The following RIT2 variants were observed in gnomAD, a reference collection of about 807,000 sequenced individuals.
RIT2 encodes the protein Ras like without CAAX 2, also known as GTP-binding protein Rit2.
In RIT2, 24 loss-of-function variants were observed where a neutral mutation model predicts 23.7. The ratio of observed to expected loss-of-function variants is 1.01; its 90% CI spans 0.73 to 1.43. The LOEUF is 1.43. Among genes scored for constraint, RIT2 ranks in the 40% most tolerant of loss-of-function variants. RIT2 has a pLI of 0.00. For synonymous variants in RIT2, 107 were observed against 91.1 expected, an observed-to-expected ratio of 1.17 and a Z score of -0.99; for missense variants, 236 against 266.9, an observed-to-expected ratio of 0.88 and a Z score of 0.81.
intron 4 of RIT2, among the ~76,000 whole-genome samples, chr18:42,885,152 T>C (rs1214265942): frequency 2.6e-5 from 4 of 152,244 alleles, no homozygotes; most frequent in Non-Finnish European, 5.9e-5. Context: ...AATGAGAGCA[T>C]TGAAATGGAA....
In RIT2 at chr18:42,820,369, TA is replaced by T. The variant is rs886491086; in HGVS notation, c.427-76650del. On this transcript the variant is annotated intron_variant, in intron 4 of 4. Coordinates refer to ENST00000326695, the MANE Select transcript of RIT2 (RefSeq NM_002930.4). ...AGGTAGAAGGCAGAAACAAACCAGT[TA>T]AAAAAAAAAAGTGAACTGAATTATC... Among the ~76,000 whole-genome samples the T allele has an allele frequency of 1.9e-3, 281 of 146,504 alleles. 3 individuals are homozygous for T. In the Middle Eastern group the frequency reaches 0.025, roughly 13 times the overall value.
chr18:43,112,369 G>A (rs563813222), intron 1 of RIT2, among the ~76,000 whole-genome samples: 1 of 152,240 alleles, frequency 6.6e-6, no homozygotes, highest in East Asian at 1.9e-4. Context: ...AATACATGTA[G>A]CCCATGCCTG....
intron 4 of RIT2, among the ~76,000 whole-genome samples, chr18:42,744,576 T>G (rs2077654579): frequency 6.6e-6 from 1 of 152,146 alleles, no homozygotes; most frequent in African/African-American, 2.4e-5. Flanking sequence ...TTTTTGACTT[T>G]TTTTTTTCCC....
chr18:43,026,928 GA>G (rs1410544725), intron 2 of RIT2, among the ~76,000 whole-genome samples: 2 of 152,102 alleles, frequency 1.3e-5, no homozygotes, highest in Non-Finnish European at 2.9e-5. Flanking sequence ...CCAAATGCAA[GA>G]AGACCAAATG....
intron 3 of RIT2, among the ~76,000 whole-genome samples, chr18:42,924,448 C>G (rs777392230): frequency 6.6e-6 from 1 of 151,794 alleles, no homozygotes; most frequent in Non-Finnish European, 1.5e-5. Context: ...CATCTTCTTT[C>G]AACTACAACT....
chr18:42,972,214 A>G (rs1426771796), intron 3 of RIT2, among the ~76,000 whole-genome samples: 1 of 151,966 alleles, frequency 6.6e-6, no homozygotes, highest in East Asian at 1.9e-4. Flanking sequence ...CTTAGATAAG[A>G]TAGCCCTTTC....
chr18:42,912,674 A>G (rs981805484), intron 4 of RIT2, among the ~76,000 whole-genome samples: 1 of 151,926 alleles, frequency 6.6e-6, no homozygotes, highest in African/African-American at 2.4e-5. Context: ...AAAATATAAT[A>G]CCATTTCCAT....
chr18:42,976,323 T>A (rs920216328), intron 2 of RIT2, among the ~76,000 whole-genome samples: 5 of 151,938 alleles, frequency 3.3e-5, no homozygotes, highest in African/African-American at 7.2e-5. Flanking sequence ...ACAACAACAA[T>A]AAAAACTTAG....
intron 4 of RIT2, among the ~76,000 whole-genome samples, chr18:42,869,513 TG>T (rs1226869654): frequency 6.6e-6 from 1 of 152,254 alleles, no homozygotes; most frequent in African/African-American, 2.4e-5. Context: ...CACTAAGTAT[TG>T]GAAAATACTG....
At chr18:43,082,696 A>AAAC (rs1000941130) in intron 1 of RIT2, among the ~76,000 whole-genome samples, 9 of 152,206 alleles carry the variant, frequency 5.9e-5, no homozygotes, top group Admixed American at 2.6e-4. Flanking sequence ...TGCAAAAAAA[A>AAAC]ACACACAATA....
chr18:42,959,693 A>G (rs1910053768), intron 3 of RIT2, among the ~76,000 whole-genome samples: 1 of 152,216 alleles, frequency 6.6e-6, no homozygotes, highest in African/African-American at 2.4e-5. Flanking sequence ...TCATATGATA[A>G]AACTGTAGCA....
intron 1 of RIT2, among the ~76,000 whole-genome samples, chr18:43,065,975 T>C (rs1319033701): frequency 6.6e-6 from 1 of 152,188 alleles, no homozygotes. Flanking sequence ...CAGAGTAATA[T>C]TTAATTGTGC....
At chr18:42,999,803 G>A (rs753512370) in intron 2 of RIT2, among the ~76,000 whole-genome samples, 10 of 152,046 alleles carry the variant, frequency 6.6e-5, no homozygotes, top group Non-Finnish European at 1.3e-4. Flanking sequence ...AGAGGAGGTT[G>A]TAATGCCGAA....
At chr18:42,998,084 G>GT in intron 2 of RIT2, among the ~76,000 whole-genome samples, 1 of 152,090 alleles carries the variant, frequency 6.6e-6, no homozygotes, top group Admixed American at 6.6e-5. Flanking sequence ...ACTGCTATTT[G>GT]TCCTATCTTC....
chr18:42,992,525 T>C (rs1910876853), intron 2 of RIT2, among the ~76,000 whole-genome samples: 1 of 152,056 alleles, frequency 6.6e-6, no homozygotes, highest in South Asian at 2.1e-4. Flanking sequence ...TACAGACCCA[T>C]CTGACCTCTC....
chr18:42,776,726 TA>T (rs1913680972), intron 4 of RIT2, among the ~76,000 whole-genome samples: 1 of 152,136 alleles, frequency 6.6e-6, no homozygotes, highest in Non-Finnish European at 1.5e-5. Context: ...AAATTCAATT[TA>T]AGAATTATGA....
At chr18:43,082,167 C>T (rs1407754976) in intron 1 of RIT2, among the ~76,000 whole-genome samples, 1 of 151,992 alleles carries the variant, frequency 6.6e-6, no homozygotes, top group Non-Finnish European at 1.5e-5. Context: ...TTGAGATTTT[C>T]TTGTTTATTT....
chr18:42,953,484 A>G (rs907967474), intron 3 of RIT2, among the ~76,000 whole-genome samples: 1 of 152,134 alleles, frequency 6.6e-6, no homozygotes, highest in African/African-American at 2.4e-5. Flanking sequence ...ACATTATAAA[A>G]CTATAGGAGG....
chr18:43,037,732 C>T lies in RIT2; in HGVS notation c.104-3865G>A, dbSNP rs933866968. On this transcript the variant is annotated intron_variant, in intron 1 of 4. Transcript: ENST00000326695. ...TCATGGGTACAGTATTTCCAGGGTTCTTGCCTACTTAGAACTATTTTTCTA... is the reference window on the plus strand; with the variant it reads ...TCATGGGTACAGTATTTCCAGGGTTTTTGCCTACTTAGAACTATTTTTCTA... 5.3e-5 allele frequency among the ~76,000 whole-genome samples: 8 copies of T among 151,900 alleles called. No individual in the cohort carries two copies. In the East Asian group the frequency reaches 1.4e-3, roughly 26 times the overall value.
Sources: gnomAD v4.1 joint callset for allele counts (sites outside exome capture counted in the v4.1 genomes callset) on GRCh38, gnomAD v4.1.1 for gene constraint, MANE v1.5 for transcripts, NCBI Gene and HGNC (gene_info 2026-07-23, HGNC 2026-07-21) for gene names.